Variants in B3GALT1 observed in about 807,000 individuals in gnomAD.
B3GALT1 encodes the protein UDP-Gal:betaGlcNAc beta 1,3-galactosyltransferase, polypeptide 1.
Under a neutral mutation model 23.2 loss-of-function variants are expected in B3GALT1, and 10 were observed. The observed-to-expected ratio is 0.43, with a 90% CI of 0.27 to 0.73. The LOEUF (loss-of-function observed/expected upper bound fraction) is 0.73. Among genes scored for constraint, B3GALT1 ranks in the 30% least tolerant of loss-of-function variants. The probability of loss-of-function intolerance (pLI) is 0.21; values close to 1 mark genes in which losing one functional copy is unlikely to be tolerated. For synonymous variants in B3GALT1, 156 were observed against 141.5 expected (o/e 1.10, Z -0.73); for missense variants, 299 against 405.4 (o/e 0.74, Z 2.25).
At chr2:167,816,442 C>T (rs1398215302) in intron 3 of B3GALT1, among the ~76,000 whole-genome samples, 3 of 151,816 alleles carry the variant, frequency 2.0e-5, no homozygotes, top group East Asian at 1.9e-4. Context: ...ATTTTCCACA[C>T]CTTTTTTTTT....
At chr2:167,321,255 G>C (rs779039652) in intron 1 of B3GALT1, among the ~76,000 whole-genome samples, 1 of 151,978 alleles carries the variant, frequency 6.6e-6, no homozygotes, top group East Asian at 1.9e-4. Flanking sequence ...AAAAAATGTA[G>C]TACTTATAAC....
At chr2:167,579,515 A>G (rs1231314972) in intron 2 of B3GALT1, among the ~76,000 whole-genome samples, 4 of 143,254 alleles carry the variant, frequency 2.8e-5, no homozygotes, top group African/African-American at 1.1e-4. Flanking sequence ...CTAGATTTCT[A>G]GCCTGAGCAT....
At chr2:167,539,213 T>G (rs1311381906) in intron 2 of B3GALT1, among the ~76,000 whole-genome samples, 2 of 152,086 alleles carry the variant, frequency 1.3e-5, no homozygotes, top group African/African-American at 4.8e-5. Context: ...AGGATTAGAA[T>G]TCTCAAAAAG....
At chr2:167,767,166 T>G (rs576166984) in intron 3 of B3GALT1, among the ~76,000 whole-genome samples, 3 of 152,326 alleles carry the variant, frequency 2.0e-5, no homozygotes, top group Admixed American at 2.0e-4. Flanking sequence ...ATCTTAAATT[T>G]TCTGCCAGAA....
rs150214565 is a variant in B3GALT1, at chr2:167,589,245, C to T, written c.-409-57664C>T. ...TTAGGCATGAGCTACCACACCCAGC[C>T]TATAACCATTTTCTAAATATGTTAG... On this transcript the variant is annotated intron_variant, in intron 2 of 4. Transcript: ENST00000392690. Among the ~76,000 whole-genome samples the T allele has an allele frequency of 5.3e-5, 8 of 152,272 alleles. No individual in the cohort carries two copies. In the East Asian group the frequency reaches 1.5e-3, roughly 29 times the overall value.
At chr2:167,766,372 G>A (rs894118093) in intron 3 of B3GALT1, among the ~76,000 whole-genome samples, 7 of 152,132 alleles carry the variant, frequency 4.6e-5, no homozygotes, top group Admixed American at 2.0e-4. Flanking sequence ...AAAATCACGT[G>A]TACTAGGGGA....
intron 3 of B3GALT1, among the ~76,000 whole-genome samples, chr2:167,763,813 G>C (rs72876890): frequency 0.045 from 6,838 of 151,944 alleles, 165 homozygotes; most frequent in South Asian, 0.085. Flanking sequence ...AGCCTGTAAG[G>C]AAAAGTACTA....
At chr2:167,641,317 C>T (rs1335822641) in intron 2 of B3GALT1, among the ~76,000 whole-genome samples, 1 of 152,130 alleles carries the variant, frequency 6.6e-6, no homozygotes, top group African/African-American at 2.4e-5. Flanking sequence ...TTCATTCACT[C>T]CAAGTGCTTC....
intron 1 of B3GALT1, among the ~76,000 whole-genome samples, chr2:167,354,145 C>G (rs1338747531): frequency 1.3e-5 from 2 of 152,122 alleles, no homozygotes; most frequent in Non-Finnish European, 2.9e-5. Context: ...CAATATCCTG[C>G]CCAGGTTGCA....
chr2:167,753,481 G>T (rs1336944945), intron 3 of B3GALT1, among the ~76,000 whole-genome samples: 1 of 152,144 alleles, frequency 6.6e-6, no homozygotes, highest in Admixed American at 6.5e-5. Context: ...CATGCAGAGA[G>T]AATTCAGACA....
Position 167,669,246 on chromosome 2 carries a change from A to G in B3GALT1, c.-352+22280A>G, listed in dbSNP as rs145009995. ...TGATGTATACTTATTGAATGGTTCC[A>G]TAATAAGTTTCAGGGTAGGCTAGTG... is the stretch of plus-strand genomic sequence containing the variant. On this transcript the variant is annotated intron_variant, in intron 3 of 4. Coordinates refer to ENST00000392690, the MANE Select transcript of B3GALT1 (RefSeq NM_020981.4). Among the ~76,000 whole-genome samples, 775 of 152,348 alleles carry G rather than the reference A, an allele frequency of 5.1e-3. 7 individuals carry two copies. The highest frequency in any genetic ancestry group is 0.018 in the African/African-American group (735 of 41,578).
intron 1 of B3GALT1, among the ~76,000 whole-genome samples, chr2:167,402,101 T>G (rs948785479): frequency 2.0e-5 from 3 of 152,106 alleles, no homozygotes; most frequent in Admixed American, 1.3e-4. Context: ...TGGGTCAAAT[T>G]AAATAATAAC....
At chr2:167,511,150 C>T (rs1699997601) in intron 2 of B3GALT1, among the ~76,000 whole-genome samples, 1 of 151,912 alleles carries the variant, frequency 6.6e-6, no homozygotes, top group African/African-American at 2.4e-5. Flanking sequence ...TTGAAAACAG[C>T]CAAATGAGAG....
chr2:167,651,611 A>G (rs1201869643), intron 3 of B3GALT1, among the ~76,000 whole-genome samples: 2 of 152,166 alleles, frequency 1.3e-5, no homozygotes, highest in Non-Finnish European at 2.9e-5. Flanking sequence ...ACTATGTGCC[A>G]TGTATCCATT....
At chr2:167,656,741 G>A (rs1685961866) in intron 3 of B3GALT1, among the ~76,000 whole-genome samples, 3 of 152,154 alleles carry the variant, frequency 2.0e-5, no homozygotes, top group Admixed American at 2.0e-4. Flanking sequence ...ACTGATTATA[G>A]TGTATAATCT....
rs147826763 is a variant in B3GALT1, at chr2:167,355,757, C to T, written c.-511+62423C>T. Among the ~76,000 whole-genome samples the T allele has an allele frequency of 7.2e-4, 110 of 152,108 alleles. 1 individual carries two copies. The East Asian group carries it at 0.018, about 24-fold the overall frequency. The stretch of plus-strand genomic sequence containing the variant: ...TTTTTAGACTGACAAATTTTCACAA[C>T]CACTAAGTTTAAAATATGTGCAATT... On this transcript the variant is annotated intron_variant, in intron 1 of 4. Coordinates refer to ENST00000392690, the MANE Select transcript of B3GALT1 (RefSeq NM_020981.4).
chr2:167,589,039 C>T (rs189162630), intron 2 of B3GALT1, among the ~76,000 whole-genome samples: 1 of 152,016 alleles, frequency 6.6e-6, no homozygotes, highest in Admixed American at 6.6e-5. Flanking sequence ...ACTCCTAGGC[C>T]CAAGAGATCC....
chr2:167,860,898 A>C (rs1412617495), intron 4 of B3GALT1, among the ~76,000 whole-genome samples: 2 of 152,104 alleles, frequency 1.3e-5, no homozygotes, highest in East Asian at 3.9e-4. Context: ...AAATAAAACA[A>C]ATTTTGCATC....
At chr2:167,333,422 C>T (rs1697006939) in intron 1 of B3GALT1, among the ~76,000 whole-genome samples, 1 of 152,126 alleles carries the variant, frequency 6.6e-6, no homozygotes, top group South Asian at 2.1e-4. Flanking sequence ...ATCCCCAGAC[C>T]TCTTACTGCC....
Sources: allele counts gnomAD v4.1 joint callset (sites outside exome capture counted in the v4.1 genomes callset), GRCh38; gene constraint gnomAD v4.1.1; transcripts MANE v1.5; gene names NCBI Gene and HGNC (gene_info 2026-07-23, HGNC 2026-07-21).